The following KCNQ5 variants were observed in gnomAD, a reference collection of about 807,000 sequenced individuals.
KCNQ5 encodes potassium voltage-gated channel subfamily Q member 5.
Under a neutral mutation model 98.2 loss-of-function variants are expected in KCNQ5, and 30 were observed. That is an observed-to-expected ratio of 0.31 (90% CI 0.23 to 0.41). KCNQ5 has a LOEUF of 0.41. Ranked by LOEUF, KCNQ5 falls within the 10% of genes least tolerant of loss-of-function variation. The pLI is 1.00. For missense variants in KCNQ5, 835 were observed against 1,182.5 expected (o/e 0.71, Z 4.31); for synonymous variants, 458 against 449.4 (o/e 1.02, Z -0.24).
chr6:72,672,568 C>T (rs889011948), intron 1 of KCNQ5, among the ~76,000 whole-genome samples: 8 of 152,036 alleles, frequency 5.3e-5, no homozygotes, highest in East Asian at 3.9e-4. Context: ...TCCTAGTTTC[C>T]GATACAGTCT....
Position 73,077,742 on chromosome 6 carries a change from T to A in KCNQ5, c.793-20T>A, listed in dbSNP as rs1195423013. On this transcript the variant is annotated intron_variant, in intron 4 of 13. Transcript: ENST00000370398. ...AAAGATTTCCCACCTCTAAAAATCT[T>A]TCATTCCTTTTATATCTAGGAATTA... 6.3e-7 allele frequency: 1 copy of A among 1,589,902 alleles called. No individual in the cohort carries two copies. The highest frequency in any genetic ancestry group is 8.5e-7 in the Non-Finnish European group (1 of 1,169,842).
intron 1 of KCNQ5, among the ~76,000 whole-genome samples, chr6:72,980,314 G>T (rs916870938): frequency 1.3e-5 from 2 of 152,148 alleles, no homozygotes; most frequent in Non-Finnish European, 2.9e-5. Flanking sequence ...CATGAGCATG[G>T]AATGTTCTTC....
rs531140957 is a variant in KCNQ5 at position 72,933,264 on chromosome 6, A to G, written c.399-70644A>G. ...TACCTTAAGAGATATTATGATAACT[A>G]TAGATAAGAGCCAAAAGGAGACCCA... On this transcript the variant is annotated intron_variant, in intron 1 of 13. Transcript: ENST00000370398. Among the ~76,000 whole-genome samples the G allele has an allele frequency of 1.1e-3, 169 of 152,360 alleles. 2 individuals are homozygous for G. Among genetic ancestry groups the G allele is most frequent in the African/African-American group, 3.9e-3 (163 of 41,586 alleles).
chr6:73,145,159 G>A (rs1776871319), intron 10 of KCNQ5, among the ~76,000 whole-genome samples: 1 of 152,118 alleles, frequency 6.6e-6, no homozygotes, highest in Non-Finnish European at 1.5e-5. Context: ...AAGAGCCTAA[G>A]AAAGAAAAGG....
chr6:73,177,698 G>T (rs1264833728), intron 11 of KCNQ5, among the ~76,000 whole-genome samples: 3 of 152,196 alleles, frequency 2.0e-5, no homozygotes, highest in African/African-American at 7.2e-5. Context: ...TGCTATTTTA[G>T]CAGAGGTGAT....
intron 1 of KCNQ5, among the ~76,000 whole-genome samples, chr6:72,863,322 G>A (rs1195043468): frequency 6.6e-6 from 1 of 152,194 alleles, no homozygotes; most frequent in Non-Finnish European, 1.5e-5. Context: ...ACTGGGTCAA[G>A]CAAGTCTGTT....
chr6:73,100,268 A>G (rs73452861), intron 5 of KCNQ5, among the ~76,000 whole-genome samples: 33,817 of 152,204 alleles, frequency 0.22, 8,599 homozygotes, highest in African/African-American at 0.62. Flanking sequence ...TAAACAACCT[A>G]TTATGCAACC....
intron 1 of KCNQ5, among the ~76,000 whole-genome samples, chr6:72,846,911 C>T (rs1330062069): frequency 1.3e-5 from 2 of 152,020 alleles, no homozygotes; most frequent in African/African-American, 2.4e-5. Flanking sequence ...GATGAGGATC[C>T]TATTCATTTG....
chr6:73,133,206 A>G (rs551250572), intron 9 of KCNQ5, among the ~76,000 whole-genome samples: 58 of 152,306 alleles, frequency 3.8e-4, no homozygotes, highest in African/African-American at 1.2e-3. Flanking sequence ...AGAAGGATGT[A>G]TGTACCTGTA....
At chr6:73,073,934 A>G (rs1386920071) in intron 3 of KCNQ5, among the ~76,000 whole-genome samples, 1 of 152,238 alleles carries the variant, frequency 6.6e-6, no homozygotes, top group South Asian at 2.1e-4. Context: ...GATGATAGCT[A>G]TAACAATTAT....
At chr6:72,914,621 A>G (rs920871433) in intron 1 of KCNQ5, among the ~76,000 whole-genome samples, 3 of 148,640 alleles carry the variant, frequency 2.0e-5, no homozygotes, top group Middle Eastern at 3.4e-3. Flanking sequence ...TTAAATTTAA[A>G]TTTATAACAA....
At chr6:73,093,284 C>T (rs1437473726) in intron 5 of KCNQ5, among the ~76,000 whole-genome samples, 1 of 151,906 alleles carries the variant, frequency 6.6e-6, no homozygotes. Flanking sequence ...AGCTAATTTG[C>T]ATTTTCTCTC....
rs532375260 is a variant in KCNQ5, at chr6:72,819,884, A to G, written c.399-184024A>G. 2.0e-5 allele frequency among the ~76,000 whole-genome samples: 3 copies of G among 152,146 alleles called. No homozygotes were observed. The East Asian group carries it at 5.8e-4, about 29-fold the overall frequency. On this transcript the variant is annotated intron_variant, in intron 1 of 13. Transcript: ENST00000370398. ...TTGCCACTTCCTTGGCAGCCTGTTG[A>G]CTTGGAAATAGAACCCTACATTTGG...
chr6:72,726,204 T>TAA, intron 1 of KCNQ5, among the ~76,000 whole-genome samples: 1 of 148,214 alleles, frequency 6.7e-6, no homozygotes, highest in African/African-American at 2.6e-5. Flanking sequence ...TTTTTTAAAT[T>TAA]TAAATTTTTT....
rs1778193528 is a variant in KCNQ5 at position 73,175,887 on chromosome 6, G to A, written c.1577+6033G>A. 2.0e-5 allele frequency among the ~76,000 whole-genome samples: 3 copies of A among 152,192 alleles called. No homozygotes were observed. In the South Asian group the frequency reaches 6.2e-4, roughly 32 times the overall value. On this transcript the variant is annotated intron_variant, in intron 11 of 13. Coordinates refer to ENST00000370398, the MANE Select transcript of KCNQ5 (RefSeq NM_019842.4). Reference sequence around the variant, plus strand: ...GGTGGCATTTGGGAAGACTCTAAAAGAAAGAAAAGAAGAAATCTGGTAGAT... The same window carrying A: ...GGTGGCATTTGGGAAGACTCTAAAAAAAAGAAAAGAAGAAATCTGGTAGAT...
intron 1 of KCNQ5, among the ~76,000 whole-genome samples, chr6:72,726,852 T>C (rs1770307659): frequency 6.6e-6 from 1 of 152,112 alleles, no homozygotes; most frequent in South Asian, 2.1e-4. Context: ...TTTTTTCAAA[T>C]TGTTTTAGAG....
At position 73,194,577 on chromosome 6, in the gene KCNQ5, A is replaced by G. The variant is rs150305879; in HGVS notation, c.1962A>G (p.Thr654=). The G allele has an allele frequency of 9.9e-6, 16 of 1,614,092 alleles. No homozygotes were observed. The highest frequency in any genetic ancestry group is 1.2e-5 in the Non-Finnish European group (14 of 1,180,028). Residue 654 remains threonine, a synonymous_variant, in exon 14 of 14, where the codon ACA becomes ACG. Transcript: ENST00000370398. ...FQIPPFECEQ[T]SDYQSPVDSK... ...TCCCACCTTTTGAATGTGAACAGACATCTGACTATCAAAGCCCTGTGGATA... is the reference window on the plus strand; with the variant it reads ...TCCCACCTTTTGAATGTGAACAGACGTCTGACTATCAAAGCCCTGTGGATA...
chr6:72,980,885 G>C (rs575882083), intron 1 of KCNQ5, among the ~76,000 whole-genome samples: 35 of 152,144 alleles, frequency 2.3e-4, no homozygotes, highest in African/African-American at 8.2e-4. Flanking sequence ...GTTGAATTTT[G>C]TCAAAGGCCT....
At chr6:72,639,514 G>C (rs1166676280) in intron 1 of KCNQ5, among the ~76,000 whole-genome samples, 1 of 152,156 alleles carries the variant, frequency 6.6e-6, no homozygotes, top group Non-Finnish European at 1.5e-5. Flanking sequence ...TTTTTCAAAA[G>C]GGACCATGCA....
Sources: gnomAD v4.1 joint callset for allele counts (sites outside exome capture counted in the v4.1 genomes callset) on GRCh38, gnomAD v4.1.1 for gene constraint, MANE v1.5 for transcripts, NCBI Gene and HGNC (gene_info 2026-07-23, HGNC 2026-07-21) for gene names.